ATP6V1C1: variants seen among roughly 807,000 people sequenced by gnomAD.
ATP6V1C1 encodes V-type proton ATPase subunit C 1.
In ATP6V1C1, 45 loss-of-function variants were observed where a neutral mutation model predicts 53.9. That is an observed-to-expected ratio of 0.83 (90% CI 0.66 to 1.07). The LOEUF is 1.07. Among genes scored for constraint, ATP6V1C1 ranks in the 50% least tolerant of loss-of-function variants. The pLI is 0.00. For synonymous variants in ATP6V1C1, 153 were observed against 155.2 expected (o/e 0.99, Z 0.11); for missense variants, 315 against 440.3 (o/e 0.72, Z 2.55).
intron 1 of ATP6V1C1, among the ~76,000 whole-genome samples, chr8:103,031,479 T>C (rs1218801242): frequency 6.6e-6 from 1 of 152,138 alleles, no homozygotes; most frequent in East Asian, 1.9e-4. Flanking sequence ...GAGTGTCACA[T>C]GGTGAGAGAA....
At position 103,071,449 on chromosome 8, in the gene ATP6V1C1, A is replaced by C. The variant is rs1211478425; in HGVS notation, c.*2702A>C. 1.3e-5 allele frequency: 2 copies of C among 152,130 alleles called. No homozygotes were observed. The highest frequency in any genetic ancestry group is 2.9e-5 in the Non-Finnish European group (2 of 68,034). The allele number at this position is 152,130 out of a possible 1,614,324, so 9.4% of individuals were successfully genotyped here. On this transcript the variant is annotated 3_prime_UTR_variant, in exon 13 of 13. Transcript: ENST00000518738. ...TTGAGCCAGTCAGAATTTGAACCTA[A>C]GATTTTTGACTGCTGGTTGTCACAC... is the stretch of plus-strand genomic sequence containing the variant.
intron 1 of ATP6V1C1, among the ~76,000 whole-genome samples, chr8:103,024,397 T>G (rs187113779): frequency 6.6e-6 from 1 of 152,328 alleles, no homozygotes; most frequent in African/African-American, 2.4e-5. Flanking sequence ...ATTTTGTGAT[T>G]ATTTCCACAA....
intron 8 of ATP6V1C1, among the ~76,000 whole-genome samples, chr8:103,056,226 G>A (rs1025949575): frequency 2.6e-5 from 4 of 152,100 alleles, no homozygotes; most frequent in African/African-American, 4.8e-5. Flanking sequence ...TAGGTCTTTG[G>A]TGTGGTACTT....
rs1286991518 is a variant in ATP6V1C1 at position 103,064,289 on chromosome 8, A to G, written c.829-425A>G. On this transcript the variant is annotated intron_variant, in intron 10 of 12. Coordinates refer to ENST00000518738, the MANE Select transcript of ATP6V1C1 (RefSeq NM_001695.5). ...TAGTGCTGTTAAATGACTTGCCTACATAACTGTTTATCTTTGTTACTAAGA... is the reference window on the plus strand; with the variant it reads ...TAGTGCTGTTAAATGACTTGCCTACGTAACTGTTTATCTTTGTTACTAAGA... Among the ~76,000 whole-genome samples, 7 of 152,208 alleles carry G rather than the reference A, an allele frequency of 4.6e-5. No individual in the cohort carries two copies. In the East Asian group the frequency reaches 9.6e-4, roughly 21 times the overall value.
chr8:103,047,428 G>GCACACACA (rs1377123398), intron 3 of ATP6V1C1, among the ~76,000 whole-genome samples: 16 of 117,582 alleles, frequency 1.4e-4, no homozygotes, highest in South Asian at 2.7e-4. Flanking sequence ...AAAAATGCGC[G>GCACACACA]CGCACACACA....
chr8:103,068,921 AATAT>A lies in ATP6V1C1; in HGVS notation c.*184_*187del. 1 of 370,112 alleles carries A rather than the reference AATAT, an allele frequency of 2.7e-6. No homozygotes were observed. Among genetic ancestry groups the A allele is most frequent in the Non-Finnish European group, 4.7e-6 (1 of 210,798 alleles). 22.9% of individuals were successfully genotyped at this position (370,112 alleles called of 1,614,324 possible). On this transcript the variant is annotated 3_prime_UTR_variant, in exon 13 of 13. Coordinates refer to ENST00000518738, the MANE Select transcript of ATP6V1C1 (RefSeq NM_001695.5). ...TCAACATTTTCTTTTTAAAGGAAAA[AATAT>A]ATATATATAGTTTCTTTTTATTGAT...
At chr8:103,052,198 G>A (rs1212925949) in intron 5 of ATP6V1C1, among the ~76,000 whole-genome samples, 4 of 152,096 alleles carry the variant, frequency 2.6e-5, no homozygotes, top group Admixed American at 2.0e-4. Context: ...CTATGTTAAA[G>A]TCAGTTCTTC....
intron 6 of ATP6V1C1, 111 bp from the exon 7 acceptor site, chr8:103,053,773 A>G (rs1278468948): frequency 4.1e-6 from 3 of 730,130 alleles, no homozygotes; most frequent in Non-Finnish European, 6.8e-6. Context: ...ACTAAGACTA[A>G]TCCCTCTCAA....
At chr8:103,031,821 T>A (rs187665301) in intron 1 of ATP6V1C1, among the ~76,000 whole-genome samples, 1 of 152,274 alleles carries the variant, frequency 6.6e-6, no homozygotes, top group East Asian at 1.9e-4. Flanking sequence ...ATACATGTGA[T>A]CTTGTTTCAA....
At chr8:103,042,516 T>C in intron 3 of ATP6V1C1, 109 bp downstream of exon 3, 3 of 1,073,874 alleles carry the variant, frequency 2.8e-6, no homozygotes, top group Non-Finnish European at 2.7e-6. Context: ...GGAATGGTTT[T>C]AGAAAACGAC....
In ATP6V1C1 at chr8:103,069,069, T is replaced by C. The variant is rs1817543636; in HGVS notation, c.*322T>C. Reference sequence around the variant, plus strand: ...TATGCATTAATTCCATTTGTTACTATTGTGCACAAAAGCCCTGTTCACAGG... The same window carrying C: ...TATGCATTAATTCCATTTGTTACTACTGTGCACAAAAGCCCTGTTCACAGG... On this transcript the variant is annotated 3_prime_UTR_variant, in exon 13 of 13. Coordinates refer to ENST00000518738, the MANE Select transcript of ATP6V1C1 (RefSeq NM_001695.5). 1 of 164,974 alleles carries C rather than the reference T, an allele frequency of 6.1e-6. No individual in the cohort carries two copies. Among genetic ancestry groups the C allele is most frequent in the Non-Finnish European group, 1.3e-5 (1 of 76,856 alleles). 10.2% of individuals were successfully genotyped at this position (164,974 alleles called of 1,614,324 possible).
intron 1 of ATP6V1C1, among the ~76,000 whole-genome samples, chr8:103,039,457 A>G (rs957773950): frequency 6.6e-6 from 1 of 152,224 alleles, no homozygotes. Context: ...ATTTACATTT[A>G]TAAACTCTTT....
At chr8:103,044,324 T>G (rs1019762132) in intron 3 of ATP6V1C1, among the ~76,000 whole-genome samples, 5 of 152,232 alleles carry the variant, frequency 3.3e-5, no homozygotes, top group African/African-American at 1.2e-4. Flanking sequence ...TTGTAATGTT[T>G]TATGTCTATG....
intron 3 of ATP6V1C1, 103 bp from the exon 4 acceptor site, chr8:103,048,767 G>A (rs1364296962): frequency 2.9e-5 from 27 of 937,230 alleles, no homozygotes; most frequent in Admixed American, 4.3e-5. Flanking sequence ...GGTATAATGG[G>A]AACATATAGT....
chr8:103,066,547 T>C, intron 12 of ATP6V1C1, 100 bp downstream of exon 12: 1 of 1,286,172 alleles, frequency 7.8e-7, no homozygotes, highest in Non-Finnish European at 1.0e-6. Flanking sequence ...AGTATGAAAC[T>C]TAATCATTTT....
chr8:103,027,437 C>A (rs1462232901), intron 1 of ATP6V1C1, among the ~76,000 whole-genome samples: 1 of 152,142 alleles, frequency 6.6e-6, no homozygotes, highest in Non-Finnish European at 1.5e-5. Flanking sequence ...CAATCCCATA[C>A]CTTCCATTCA....
chr8:103,050,433 G>C (rs1405392793), intron 4 of ATP6V1C1, among the ~76,000 whole-genome samples: 1 of 152,174 alleles, frequency 6.6e-6, no homozygotes, highest in African/African-American at 2.4e-5. Flanking sequence ...AATTACTTCC[G>C]TCAGTTGGCG....
chr8:103,064,710 A>C lies in ATP6V1C1; in HGVS notation c.829-4A>C, dbSNP rs774836916. 1 of 1,601,698 alleles carries C rather than the reference A, an allele frequency of 6.2e-7. No individual in the cohort carries two copies. The highest frequency in any genetic ancestry group is 8.5e-7 in the Non-Finnish European group (1 of 1,176,246). ...ATTTGTGGTAATTTTTTTTCTTTTT[A>C]TAGGGACCACTTGTACGGTGGCTGA... On this transcript the variant is annotated splice_polypyrimidine_tract_variant and splice_region_variant and intron_variant, in intron 10 of 12. Transcript: ENST00000518738.
At chr8:103,025,226 C>G (rs1377871465) in intron 1 of ATP6V1C1, among the ~76,000 whole-genome samples, 2 of 152,178 alleles carry the variant, frequency 1.3e-5, no homozygotes, top group Non-Finnish European at 2.9e-5. Context: ...GAAAGGTTTT[C>G]CTTTTGAATC....
Sources: gnomAD v4.1 joint callset for allele counts (sites outside exome capture counted in the v4.1 genomes callset) on GRCh38, gnomAD v4.1.1 for gene constraint, MANE v1.5 for transcripts, NCBI Gene and HGNC (gene_info 2026-07-23, HGNC 2026-07-21) for gene names.